ATP8A2: variants seen among roughly 807,000 people sequenced by gnomAD.
ATP8A2 encodes the protein ATPase phospholipid transporting 8A2, also known as phospholipid-transporting ATPase IB.
Under a neutral mutation model 165.6 loss-of-function variants are expected in ATP8A2, and 100 were observed. The observed-to-expected ratio is 0.60, with a 90% confidence interval of 0.51 to 0.71. ATP8A2 has a LOEUF of 0.71. Among genes scored for constraint, ATP8A2 ranks in the 30% least tolerant of loss-of-function variants. ATP8A2 has a pLI of 0.00. For missense variants in ATP8A2, 1,227 were observed against 1,479.5 expected, an observed-to-expected ratio of 0.83 and a Z score of 2.80; for synonymous variants, 543 against 548.8, an observed-to-expected ratio of 0.99 and a Z score of 0.15.
intron 1 of ATP8A2, among the ~76,000 whole-genome samples, chr13:25,409,812 G>C (rs930766881): frequency 2.0e-5 from 3 of 152,024 alleles, no homozygotes; most frequent in African/African-American, 7.2e-5. Context: ...GTCGTGGTTA[G>C]GGTATAGTCT....
intron 24 of ATP8A2, among the ~76,000 whole-genome samples, chr13:25,615,613 G>A (rs1275209279): frequency 1.3e-5 from 2 of 152,148 alleles, no homozygotes; most frequent in Non-Finnish European, 2.9e-5. Flanking sequence ...TCAGCTGGAG[G>A]TCTTTTCCCT....
At chr13:25,630,540 C>T (rs368590253) in intron 24 of ATP8A2, among the ~76,000 whole-genome samples, 3 of 152,140 alleles carry the variant, frequency 2.0e-5, no homozygotes, top group African/African-American at 7.2e-5. Context: ...TGGCTTGAGG[C>T]TAACAATATT....
At chr13:25,952,982 C>G (rs1955411594) in intron 33 of ATP8A2, among the ~76,000 whole-genome samples, 1 of 152,226 alleles carries the variant, frequency 6.6e-6, no homozygotes, top group Non-Finnish European at 1.5e-5. Context: ...AAAGAAGCTC[C>G]CTTGACGTTT....
intron 25 of ATP8A2, among the ~76,000 whole-genome samples, chr13:25,735,567 G>T (rs919428153): frequency 1.4e-5 from 2 of 139,214 alleles, no homozygotes; most frequent in Non-Finnish European, 1.6e-5. Flanking sequence ...GCAAGGGTTG[G>T]AAGTTCTTAT....
intron 25 of ATP8A2, among the ~76,000 whole-genome samples, chr13:25,756,490 G>A (rs957744492): frequency 2.0e-5 from 3 of 152,136 alleles, no homozygotes; most frequent in Admixed American, 2.0e-4. Context: ...GCAGAATTAT[G>A]TGAAAGCTTC....
At chr13:25,888,587 G>A (rs1256917590) in intron 33 of ATP8A2, among the ~76,000 whole-genome samples, 1 of 152,232 alleles carries the variant, frequency 6.6e-6, no homozygotes, top group Non-Finnish European at 1.5e-5. Flanking sequence ...TCAGCCGGGT[G>A]TGGTGGCTCA....
At chr13:25,708,039 TC>T (rs1337922891) in intron 25 of ATP8A2, among the ~76,000 whole-genome samples, 1 of 152,242 alleles carries the variant, frequency 6.6e-6, no homozygotes, top group East Asian at 1.9e-4. Flanking sequence ...TTCCTGTGTT[TC>T]TTTTTTTCCT....
intron 24 of ATP8A2, among the ~76,000 whole-genome samples, chr13:25,628,950 A>G (rs2041170591): frequency 6.6e-6 from 1 of 152,142 alleles, no homozygotes; most frequent in Non-Finnish European, 1.5e-5. Flanking sequence ...GGAACATCAC[A>G]TCACCAGCAT....
intron 1 of ATP8A2, among the ~76,000 whole-genome samples, chr13:25,460,136 G>T (rs1027016446): frequency 3.3e-5 from 5 of 152,206 alleles, no homozygotes; most frequent in African/African-American, 1.2e-4. Context: ...GGGAGGCAGA[G>T]GTTGCAGTGA....
intron 28 of ATP8A2, among the ~76,000 whole-genome samples, chr13:25,830,196 G>A (rs1182671136): frequency 6.6e-6 from 1 of 151,600 alleles, no homozygotes; most frequent in Non-Finnish European, 1.5e-5. Context: ...TTTTTTTTGT[G>A]GAAATGGGGT....
Position 25,739,797 on chromosome 13 carries a change from G to A in ATP8A2, c.2385-29249G>A, listed in dbSNP as rs549234738. Among the ~76,000 whole-genome samples the A allele has an allele frequency of 9.2e-5, 14 of 152,294 alleles. No homozygotes were observed. In the South Asian group the frequency reaches 2.9e-3, roughly 32 times the overall value. On this transcript the variant is annotated intron_variant, in intron 25 of 36. Transcript: ENST00000381655. ...GACAGAAATATTATAATCTCCTTCA[G>A]GAGATTAAAAGTATAGGCAGGAAAT...
At chr13:25,873,052 G>T (rs1952719800) in intron 33 of ATP8A2, among the ~76,000 whole-genome samples, 1 of 152,102 alleles carries the variant, frequency 6.6e-6, no homozygotes. Context: ...CGCAGATCTG[G>T]AAATGCAGAT....
chr13:25,513,581 G>T (rs1457004425), intron 2 of ATP8A2, among the ~76,000 whole-genome samples: 1 of 152,042 alleles, frequency 6.6e-6, no homozygotes, highest in Non-Finnish European at 1.5e-5. Context: ...CTGCAATCTC[G>T]GCACTTTGGG....
At chr13:25,376,608 T>A (rs903352821) in intron 1 of ATP8A2, among the ~76,000 whole-genome samples, 1 of 152,272 alleles carries the variant, frequency 6.6e-6, no homozygotes, top group East Asian at 1.9e-4. Flanking sequence ...TCTGTGGGTA[T>A]GTGCATATAA....
At chr13:25,464,331 G>A (rs373266581) in intron 1 of ATP8A2, among the ~76,000 whole-genome samples, 2 of 151,136 alleles carry the variant, frequency 1.3e-5, no homozygotes, top group East Asian at 1.9e-4. Context: ...ACGTGGTTAT[G>A]AGAAGTTTAT....
intron 25 of ATP8A2, among the ~76,000 whole-genome samples, chr13:25,701,441 T>G (rs575664372): frequency 5.9e-5 from 9 of 152,198 alleles, no homozygotes; most frequent in African/African-American, 2.2e-4. Context: ...CACTGGAGGT[T>G]GTTACTGCTC....
At chr13:25,815,201 G>T (rs1220910472) in intron 27 of ATP8A2, among the ~76,000 whole-genome samples, 2 of 152,034 alleles carry the variant, frequency 1.3e-5, no homozygotes, top group Non-Finnish European at 2.9e-5. Context: ...AGACAAATTG[G>T]ACTTCATCAA....
intron 35 of ATP8A2, among the ~76,000 whole-genome samples, chr13:26,004,620 T>C (rs1459644367): frequency 2.0e-5 from 3 of 152,104 alleles, no homozygotes; most frequent in African/African-American, 7.2e-5. Flanking sequence ...CTTCTCACCA[T>C]TGAGTATGAT....
intron 33 of ATP8A2, among the ~76,000 whole-genome samples, chr13:25,908,252 A>C (rs181450854): frequency 6.6e-6 from 1 of 152,212 alleles, no homozygotes; most frequent in Admixed American, 6.5e-5. Flanking sequence ...AGTTACCGTA[A>C]GTCAGCAGTC....
Sources: gnomAD v4.1 joint callset for allele counts (sites outside exome capture counted in the v4.1 genomes callset) on GRCh38, gnomAD v4.1.1 for gene constraint, MANE v1.5 for transcripts, NCBI Gene and HGNC (gene_info 2026-07-23, HGNC 2026-07-21) for gene names.